MLLT10: variants seen among roughly 807,000 people sequenced by gnomAD.
MLLT10 encodes protein AF-10.
A neutral mutation model predicts 129.1 loss-of-function variants in MLLT10; 30 were observed. The ratio of observed to expected loss-of-function variants is 0.23; its 90% CI spans 0.17 to 0.32. The LOEUF (loss-of-function observed/expected upper bound fraction) is 0.32, where lower values mean the gene tolerates loss of function less well. Ranked by LOEUF, MLLT10 falls within the 10% of genes least tolerant of loss-of-function variation. The probability of loss-of-function intolerance (pLI) is 1.00; values close to 1 mark genes in which losing one functional copy is unlikely to be tolerated. For synonymous variants in MLLT10, 490 were observed against 446.4 expected, an observed-to-expected ratio of 1.10 and a Z score of -1.23; for missense variants, 1,119 against 1,268.3, an observed-to-expected ratio of 0.88 and a Z score of 1.79.
intron 13 of MLLT10, among the ~76,000 whole-genome samples, chr10:21,685,639 G>C (rs1361874344): frequency 6.6e-6 from 1 of 152,162 alleles, no homozygotes; most frequent in African/African-American, 2.4e-5. Context: ...ACCGTGCCCA[G>C]CCTCTTTGGC....
intron 3 of MLLT10, among the ~76,000 whole-genome samples, chr10:21,566,554 C>G (rs1445957398): frequency 6.6e-6 from 1 of 151,248 alleles, no homozygotes; most frequent in Non-Finnish European, 1.5e-5. Context: ...TCTTGAACTC[C>G]CGGCCTTAGG....
intron 3 of MLLT10, among the ~76,000 whole-genome samples, chr10:21,582,490 T>C (rs1001052462): frequency 3.3e-5 from 5 of 152,174 alleles, no homozygotes; most frequent in Non-Finnish European, 5.9e-5. Context: ...TATAGGTATG[T>C]ATGTATAGCA....
intron 3 of MLLT10, among the ~76,000 whole-genome samples, chr10:21,562,047 C>T (rs754035225): frequency 8.5e-5 from 13 of 152,138 alleles, no homozygotes; most frequent in Non-Finnish European, 1.0e-4. Flanking sequence ...CTTGGTTGAT[C>T]TGCCCGCCTC....
rs549720502 is a variant in MLLT10, at chr10:21,693,901, C to T, written c.1699+11644C>T. ...GTGTTTAATTTATTGTTTTATTAGACTATTGAGTGAAGAATTTTAGTGAAC... is the reference window on the plus strand; with the variant it reads ...GTGTTTAATTTATTGTTTTATTAGATTATTGAGTGAAGAATTTTAGTGAAC... On this transcript the variant is annotated intron_variant, in intron 13 of 22. Transcript: ENST00000307729. 2.6e-5 allele frequency among the ~76,000 whole-genome samples: 4 copies of T among 152,048 alleles called. No individual in the cohort carries two copies. The East Asian group carries it at 7.7e-4, about 29-fold the overall frequency.
chr10:21,734,241 C>A, intron 20 of MLLT10, 112 bp downstream of exon 20: 23 of 1,318,116 alleles, frequency 1.7e-5, no homozygotes, highest in Non-Finnish European at 2.4e-5. Flanking sequence ...CTTAAGAAGT[C>A]TGCCAAAAAT....
chr10:21,730,309 GAA>G (rs10568793), intron 16 of MLLT10, among the ~76,000 whole-genome samples: 24,555 of 122,960 alleles, frequency 0.2, 2,123 homozygotes, highest in Admixed American at 0.25. Flanking sequence ...CTCCAAAAAT[GAA>G]AAAAAAAAAA....
At position 21,622,083 on chromosome 10, in the gene MLLT10, A is replaced by G. The variant is rs1589277805; in HGVS notation, c.699+4876A>G. 2.6e-5 allele frequency among the ~76,000 whole-genome samples: 4 copies of G among 152,098 alleles called. No homozygotes were observed. The South Asian group carries it at 8.3e-4, about 32-fold the overall frequency. ...TAACTGTAGTGCGAGCAAGGAGAGAAGAAAAGTTAATGGTGAAATATGGCT... is the reference window on the plus strand; with the variant it reads ...TAACTGTAGTGCGAGCAAGGAGAGAGGAAAAGTTAATGGTGAAATATGGCT... On this transcript the variant is annotated intron_variant, in intron 8 of 22. Coordinates refer to ENST00000307729, the MANE Select transcript of MLLT10 (RefSeq NM_001195626.3).
intron 21 of MLLT10, 72 bp downstream of exon 21, chr10:21,735,307 G>T: frequency 8.0e-7 from 1 of 1,257,534 alleles, no homozygotes; most frequent in South Asian, 1.3e-5. Context: ...TGTGGGTACA[G>T]ATTTCTCCTT....
chr10:21,682,142 A>T, intron 12 of MLLT10, 83 bp from the exon 13 acceptor site: 1 of 1,116,422 alleles, frequency 9.0e-7, no homozygotes, highest in African/African-American at 1.6e-5. Flanking sequence ...ATTTTATTAT[A>T]CTAATTCAGT....
At chr10:21,615,014 TC>T in intron 7 of MLLT10, 90 bp downstream of exon 7, 1 of 1,031,892 alleles carries the variant, frequency 9.7e-7, no homozygotes, top group Non-Finnish European at 1.4e-6. Context: ...ATATAACAGT[TC>T]CTTTTTCCTT....
intron 3 of MLLT10, 34 bp downstream of exon 3, chr10:21,538,946 G>A: frequency 6.6e-7 from 1 of 1,510,358 alleles, no homozygotes; most frequent in Non-Finnish European, 9.2e-7. Context: ...TTAAACTTTA[G>A]TGAGTAGGTT....
Position 21,726,322 on chromosome 10 carries a change from G to C in MLLT10, c.1957G>C (p.Ala653Pro). Residue 653 changes from alanine to proline, a missense_variant, in exon 15 of 23, where the codon GCT (alanine) becomes CCT (proline). Around this residue, in one of 5 missense-constraint regions of MLLT10, gnomAD observed 1,004 missense variants for 1,008.7 expected, o/e 1.00. Transcript: ENST00000307729. ...CAATAGATCAAATTCATCAATGGCAGCTCTTATAGCTCAGTCTGAAAACAA... is the reference window on the plus strand; with the variant it reads ...CAATAGATCAAATTCATCAATGGCACCTCTTATAGCTCAGTCTGAAAACAA... The part of the protein sequence containing the change: ...YGNRSNSSMA[A>P]LIAQSENNQT... The C allele has an allele frequency of 1.2e-6, 2 of 1,612,416 alleles. No homozygotes were observed. The highest frequency in any genetic ancestry group is 1.7e-6 in the Non-Finnish European group (2 of 1,178,726).
intron 3 of MLLT10, among the ~76,000 whole-genome samples, chr10:21,563,791 G>T (rs191113341): frequency 2.7e-5 from 4 of 145,650 alleles, no homozygotes; most frequent in African/African-American, 5.1e-5. Context: ...CTCACTGTGT[G>T]TATTATTATT....
At chr10:21,712,364 C>T (rs145511561) in intron 13 of MLLT10, among the ~76,000 whole-genome samples, 1 of 152,244 alleles carries the variant, frequency 6.6e-6, no homozygotes, top group East Asian at 1.9e-4. Context: ...CAGGCATGTG[C>T]CACCATGCCT....
intron 8 of MLLT10, chr10:21,625,395 C>T (rs2046331979): frequency 5.0e-6 from 4 of 803,318 alleles, no homozygotes; most frequent in South Asian, 2.9e-5. Context: ...AATGACTTTT[C>T]CAATATTTCG....
chr10:21,535,244 G>A (rs1008736432), intron 2 of MLLT10, among the ~76,000 whole-genome samples: 4 of 152,208 alleles, frequency 2.6e-5, no homozygotes, highest in Non-Finnish European at 5.9e-5. Flanking sequence ...GTCTGCCGCA[G>A]TGTTTGGAGA....
chr10:21,569,979 G>T (rs1039964649), intron 3 of MLLT10, among the ~76,000 whole-genome samples: 3 of 152,016 alleles, frequency 2.0e-5, no homozygotes, highest in African/African-American at 7.2e-5. Context: ...GCATGATCTC[G>T]GCTCATTGCA....
intron 13 of MLLT10, chr10:21,708,629 A>G: frequency 3.0e-6 from 3 of 985,132 alleles, no homozygotes; most frequent in Non-Finnish European, 3.6e-6. Context: ...TGATTACTGG[A>G]TTGCACATTT....
At chr10:21,731,110 G>GATGGACAAACAT in intron 17 of MLLT10, 56 bp downstream of exon 17, 1 of 1,502,436 alleles carries the variant, frequency 6.7e-7, no homozygotes. Flanking sequence ...TGGACAAACA[G>GATGGACAAACAT]GCAGATGGAT....
Sources: allele counts gnomAD v4.1 joint callset (sites outside exome capture counted in the v4.1 genomes callset), GRCh38; gene constraint gnomAD v4.1.1; regional missense constraint gnomAD v4.1.1; transcripts MANE v1.5; gene names NCBI Gene and HGNC (gene_info 2026-07-23, HGNC 2026-07-21).